Variants in ATP10A observed in about 807,000 individuals in gnomAD.
ATP10A encodes the protein ATPase phospholipid transporting 10A (putative).
Under a neutral mutation model 147.8 loss-of-function variants are expected in ATP10A, and 111 were observed. The ratio of observed to expected loss-of-function variants is 0.75; its 90% CI spans 0.64 to 0.88. ATP10A has a LOEUF of 0.88. ATP10A is among the 40% of genes least tolerant of loss of function. ATP10A has a pLI of 0.00. For missense variants in ATP10A, 1,927 were observed against 1,959.0 expected (o/e 0.98, Z 0.31); for synonymous variants, 875 against 841.6 (o/e 1.04, Z -0.69).
At chr15:25,841,515 T>C (rs1892812121) in intron 1 of ATP10A, 1 of 152,106 alleles carries the variant, frequency 6.6e-6, no homozygotes, top group South Asian at 2.1e-4. Flanking sequence ...TTTATTATTC[T>C]TTTTGAGAAA....
Position 25,702,098 on chromosome 15 carries a change from C to T in ATP10A, c.2578G>A (p.Ala860Thr), listed in dbSNP as rs139793182. 69 of 1,610,176 alleles carry T rather than the reference C, an allele frequency of 4.3e-5. No homozygotes were observed. Among genetic ancestry groups the T allele is most frequent in the Non-Finnish European group, 5.4e-5 (64 of 1,178,132 alleles). The change falls in exon 13 of 21, where the codon GCC (alanine) becomes ACC (threonine). Residue 860 changes from alanine to threonine, a missense_variant and splice_region_variant. Ala to Thr is a moderately conservative substitution (Grantham distance 58). Transcript: ENST00000555815. ...RLETNLHLLGATGIEDRLQDG... is the reference protein window; with the variant it reads ...RLETNLHLLGTTGIEDRLQDG... ...TGCAGGCGGTCTTCAATCCCAGTGG[C>T]ACCTGGTCAAATGCACAGCAGTGTG... is the stretch of plus-strand genomic sequence containing the variant.
intron 12 of ATP10A, 128 bp downstream of exon 12, chr15:25,707,848 G>T (rs574383382): frequency 2.3e-6 from 3 of 1,320,424 alleles, no homozygotes; most frequent in South Asian, 1.5e-5. Flanking sequence ...CTGTGCCAGC[G>T]TCCTGCCAGG....
intron 13 of ATP10A, among the ~76,000 whole-genome samples, chr15:25,698,778 G>T (rs866331959): frequency 2.6e-5 from 4 of 152,018 alleles, no homozygotes; most frequent in Admixed American, 2.0e-4. Context: ...GGGTCTTTTG[G>T]GGTATTAAAT....
At chr15:25,846,121 G>A (rs1276538531) in intron 1 of ATP10A, among the ~76,000 whole-genome samples, 1 of 152,160 alleles carries the variant, frequency 6.6e-6, no homozygotes, top group Non-Finnish European at 1.5e-5. Flanking sequence ...CGTAGAGGCT[G>A]AATGCAGAAC....
chr15:25,742,445 C>T (rs1887625792), intron 2 of ATP10A, among the ~76,000 whole-genome samples: 2 of 152,232 alleles, frequency 1.3e-5, no homozygotes, highest in South Asian at 4.1e-4. Context: ...TTGTTAAATT[C>T]TAGTTTAGAA....
upstream of ATP10A, chr15:25,865,066 C>T (rs73356452): frequency 0.035 from 5,364 of 152,308 alleles, 166 homozygotes; most frequent in South Asian, 0.17. Flanking sequence ...ATGCTGATTC[C>T]TCAGGCAGAG....
chr15:25,750,404 T>G (rs945993879), intron 2 of ATP10A, among the ~76,000 whole-genome samples: 1 of 151,540 alleles, frequency 6.6e-6, no homozygotes. Context: ...ATACAAAAGC[T>G]GAAAAAAAAT....
intron 1 of ATP10A, among the ~76,000 whole-genome samples, chr15:25,841,080 G>T (rs536474083): frequency 6.6e-6 from 1 of 151,938 alleles, no homozygotes; most frequent in Non-Finnish European, 1.5e-5. Context: ...ATTCTCTCTC[G>T]TCTGGAATTT....
At chr15:25,838,441 C>T (rs1892678302) in intron 1 of ATP10A, among the ~76,000 whole-genome samples, 1 of 152,142 alleles carries the variant, frequency 6.6e-6, no homozygotes, top group African/African-American at 2.4e-5. Context: ...GTGACACCTT[C>T]ACATCCCCAG....
chr15:25,723,756 A>T, intron 6 of ATP10A, 135 bp downstream of exon 6: 1 of 708,488 alleles, frequency 1.4e-6, no homozygotes, highest in Non-Finnish European at 2.1e-6. Flanking sequence ...GAAAAATAAA[A>T]GGCAGAACTC....
chr15:25,694,538 C>T (rs1324594066), intron 14 of ATP10A, among the ~76,000 whole-genome samples: 1 of 152,216 alleles, frequency 6.6e-6, no homozygotes, highest in Non-Finnish European at 1.5e-5. Flanking sequence ...CTCTTGTGTG[C>T]TGTCTCCTGA....
chr15:25,707,349 C>T (rs1901093924), intron 12 of ATP10A, among the ~76,000 whole-genome samples: 1 of 152,000 alleles, frequency 6.6e-6, no homozygotes, highest in South Asian at 2.1e-4. Flanking sequence ...GGGGGTGGAC[C>T]ATCCTCAACA....
chr15:25,729,794 A>C (rs1596774768), intron 3 of ATP10A, among the ~76,000 whole-genome samples: 1 of 151,704 alleles, frequency 6.6e-6, no homozygotes, highest in Non-Finnish European at 1.5e-5. Context: ...CAGGCCCCCC[A>C]CCCAGGCCAG....
Position 25,789,565 on chromosome 15 carries a change from A to AGTGT in ATP10A, c.450-8346_450-8343dup, listed in dbSNP as rs59744412. ...TTTTCATATGGTGGACCAATAAAGA[A>AGTGT]GTGTGTGTGTGTGTGTGTGTGTGTG... On this transcript the variant is annotated intron_variant, in intron 1 of 20. Coordinates refer to ENST00000555815, the MANE Select transcript of ATP10A (RefSeq NM_024490.4). Among the ~76,000 whole-genome samples, 1,002 of 141,432 alleles carry AGTGT rather than the reference A, an allele frequency of 7.1e-3. 11 individuals are homozygous for AGTGT. The highest frequency in any genetic ancestry group is 0.022 in the African/African-American group (867 of 38,902). 92.8% of individuals were successfully genotyped at this position (141,432 alleles called of 152,430 possible). A position where few individuals can be genotyped will look rare whatever the true frequency, so the allele number is the denominator to read the frequency against.
intron 1 of ATP10A, among the ~76,000 whole-genome samples, chr15:25,859,250 G>A (rs933571275): frequency 3.3e-5 from 5 of 152,158 alleles, no homozygotes; most frequent in African/African-American, 7.2e-5. Flanking sequence ...TCTCGGCCCC[G>A]AGGGATGCCC....
intron 1 of ATP10A, among the ~76,000 whole-genome samples, chr15:25,802,530 G>C (rs1019528983): frequency 6.6e-6 from 1 of 152,178 alleles, no homozygotes; most frequent in Non-Finnish European, 1.5e-5. Flanking sequence ...TCGTTCTGTA[G>C]GTCAGAATTC....
At chr15:25,824,500 A>T (rs370687216) in intron 1 of ATP10A, among the ~76,000 whole-genome samples, 1 of 150,800 alleles carries the variant, frequency 6.6e-6, no homozygotes, top group South Asian at 2.1e-4. Context: ...AAAAAAGAAA[A>T]AACATTTCTC....
At chr15:25,817,133 AG>A (rs1383428258) in intron 1 of ATP10A, among the ~76,000 whole-genome samples, 1 of 151,938 alleles carries the variant, frequency 6.6e-6, no homozygotes, top group Non-Finnish European at 1.5e-5. Flanking sequence ...CCCAGGCTGG[AG>A]TACAATGGTG....
At chr15:25,678,359 C>T (rs1899184082), downstream of ATP10A, 1 of 152,118 alleles carries the variant, frequency 6.6e-6, no homozygotes, top group Non-Finnish European at 1.5e-5. Context: ...CGAGCAGAGC[C>T]AGCAACTAAG....
Sources: allele counts gnomAD v4.1 joint callset (sites outside exome capture counted in the v4.1 genomes callset), GRCh38; gene constraint gnomAD v4.1.1; transcripts MANE v1.5; gene names NCBI Gene and HGNC (gene_info 2026-07-23, HGNC 2026-07-21).